Variants in COL10A1 observed in about 807,000 individuals in gnomAD.
COL10A1 encodes the protein collagen alpha-1(X) chain.
COL10A1 carries 10 observed loss-of-function variants against 18.2 expected under a neutral mutation model. That is an observed-to-expected ratio of 0.55 (90% CI 0.34 to 0.93). The LOEUF (loss-of-function observed/expected upper bound fraction) is 0.93. COL10A1 is among the 40% of genes least tolerant of loss of function. The probability of loss-of-function intolerance (pLI) is 0.02; values close to 1 mark genes in which losing one functional copy is unlikely to be tolerated. For missense variants in COL10A1, 897 were observed against 853.5 expected (o/e 1.05, Z -0.64); for synonymous variants, 330 against 316.6 (o/e 1.04, Z -0.45).
chr6:116,121,254 C>G lies in COL10A1; in HGVS notation c.862G>C (p.Gly288Arg), dbSNP rs765611064. 1 of 1,613,960 alleles carries G rather than the reference C, an allele frequency of 6.2e-7. No individual in the cohort carries two copies. The highest frequency in any genetic ancestry group is 2.2e-5 in the East Asian group (1 of 44,852). ...PGTKGLPGAP[G>R]IAGPPGPPGF... ...GGAGGCCCTGGGGGCCCAGCTATTC[C>G]TGGAGCCCCAGGGAGACCTTTTGTT... The change falls in exon 3 of 3, where the codon GGA becomes CGA. Residue 288 changes from glycine (G) to arginine (R), a missense_variant. Coordinates refer to ENST00000651968, the MANE Select transcript of COL10A1 (RefSeq NM_000493.4).
intron 1 of COL10A1, among the ~76,000 whole-genome samples, chr6:116,136,484 G>A (rs1418385640): frequency 6.6e-6 from 1 of 151,822 alleles, no homozygotes; most frequent in East Asian, 1.9e-4. Context: ...TTTAAAAGAA[G>A]AAAATGAAGC....
the COL10A1 span, among the ~76,000 whole-genome samples, chr6:116,205,246 T>C: frequency 0.43 from 64,534 of 151,712 alleles, 17,681 homozygotes; most frequent in African/African-American, 0.78. Context: ...CAAAATAAGC[T>C]GGGCTGGACA....
chr6:116,151,261 T>C (rs1469212738), intron 1 of COL10A1, among the ~76,000 whole-genome samples: 1 of 152,212 alleles, frequency 6.6e-6, no homozygotes, highest in Non-Finnish European at 1.5e-5. Flanking sequence ...GATCAGAATA[T>C]GTGGGCCTGT....
At chr6:116,136,160 G>A (rs1779596102) in intron 1 of COL10A1, among the ~76,000 whole-genome samples, 1 of 151,848 alleles carries the variant, frequency 6.6e-6, no homozygotes, top group South Asian at 2.1e-4. Flanking sequence ...ACTTTTTTAG[G>A]TTACACGTAT....
chr6:116,184,390 G>T, the COL10A1 span, among the ~76,000 whole-genome samples: 2 of 151,964 alleles, frequency 1.3e-5, no homozygotes, highest in African/African-American at 2.4e-5. Context: ...CCTGGTTTTG[G>T]TATTAGGGTG....
At chr6:116,215,946 G>A in the COL10A1 span, among the ~76,000 whole-genome samples, 1 of 152,208 alleles carries the variant, frequency 6.6e-6, no homozygotes, top group African/African-American at 2.4e-5. Context: ...AGTCTGTTTG[G>A]CTTGTCTATA....
At chr6:116,197,516 C>T in the COL10A1 span, among the ~76,000 whole-genome samples, 4 of 151,990 alleles carry the variant, frequency 2.6e-5, no homozygotes, top group African/African-American at 9.7e-5. Context: ...TAAGAACAAA[C>T]AGCCAGGTAC....
At chr6:116,138,027 A>ACCG (rs1779657248) in intron 1 of COL10A1, among the ~76,000 whole-genome samples, 1 of 151,796 alleles carries the variant, frequency 6.6e-6, no homozygotes, top group African/African-American at 2.4e-5. Flanking sequence ...GCAGTGAGCC[A>ACCG]AGATCACACC....
Position 116,120,205 on chromosome 6 carries a change from T to A in COL10A1, c.1911A>T (p.Ser637=). ...CTGTGAGATCGATGATGGCACTCCC[T>A]GAAGCCTGATCCAGGTAGCCTTTGG... The part of the protein sequence containing the change: ...EYTKGYLDQA[S]GSAIIDLTEN... Residue 637 remains serine (S), a synonymous_variant, in exon 3 of 3, where the codon TCA becomes TCT. Transcript: ENST00000651968. 6.2e-7 allele frequency: 1 copy of A among 1,614,206 alleles called. No homozygotes were observed. Among genetic ancestry groups the A allele is most frequent in the South Asian group, 1.1e-5 (1 of 91,080 alleles).
the COL10A1 span, among the ~76,000 whole-genome samples, chr6:116,164,050 A>G: frequency 6.6e-6 from 1 of 152,306 alleles, no homozygotes; most frequent in South Asian, 2.1e-4. Context: ...CCATGCACAG[A>G]TGAGAAAAAT....
chr6:116,206,133 A>T, the COL10A1 span, among the ~76,000 whole-genome samples: 18 of 152,010 alleles, frequency 1.2e-4, no homozygotes, highest in Non-Finnish European at 2.2e-4. Context: ...TTTGAAGGTA[A>T]GTAGCATTTT....
the COL10A1 span, among the ~76,000 whole-genome samples, chr6:116,177,954 AT>A: frequency 9.9e-5 from 15 of 152,152 alleles, no homozygotes; most frequent in Admixed American, 1.3e-4. Flanking sequence ...GTTTCATAGT[AT>A]AAAAATACCA....
At position 116,143,567 on chromosome 6, in the gene COL10A1, C is replaced by T. The variant is rs992114003; in HGVS notation, c.-16+15047G>A. On this transcript the variant is annotated intron_variant, in intron 1 of 1. Transcript: ENST00000418500. ...GTTGAATTTGTTCTACTACTTAAAA[C>T]TTTTTTTAATCCTATGAAAATTTCC... 2.6e-5 allele frequency among the ~76,000 whole-genome samples: 4 copies of T among 152,182 alleles called. No homozygotes were observed. The South Asian group carries it at 6.2e-4, about 24-fold the overall frequency.
intron 1 of COL10A1, among the ~76,000 whole-genome samples, chr6:116,136,277 T>C (rs1179740330): frequency 6.6e-6 from 1 of 152,190 alleles, no homozygotes; most frequent in Non-Finnish European, 1.5e-5. Context: ...TTTCTTCTTT[T>C]TTAAGGCTGA....
chr6:116,142,981 A>G (rs1339277819), intron 1 of COL10A1, among the ~76,000 whole-genome samples: 1 of 152,212 alleles, frequency 6.6e-6, no homozygotes, highest in African/African-American at 2.4e-5. Context: ...AATTTGATGG[A>G]TAAAATTATA....
At chr6:116,156,778 A>G (rs1349542593) in intron 1 of COL10A1, among the ~76,000 whole-genome samples, 5 of 152,194 alleles carry the variant, frequency 3.3e-5, no homozygotes, top group South Asian at 2.1e-4. Flanking sequence ...CAAGATATCT[A>G]TGGATATGAA....
chr6:116,168,630 T>G, the COL10A1 span, among the ~76,000 whole-genome samples: 1 of 152,098 alleles, frequency 6.6e-6, no homozygotes, highest in Admixed American at 6.5e-5. Flanking sequence ...TTTTTTTGAT[T>G]GTTTGTTTTG....
At position 116,120,530 on chromosome 6, in the gene COL10A1, C is replaced by T. The variant is rs2114280363; in HGVS notation, c.1586G>A (p.Gly529Asp). The T allele has an allele frequency of 1.2e-6, 2 of 1,614,002 alleles. No individual in the cohort carries two copies. The highest frequency in any genetic ancestry group is 1.3e-5 in the African/African-American group (1 of 75,022). ...AVMPEGFIKA[G>D]QRPSLSGTPL... ...GGTCCCAGAAAGACTGGGCCTTTGG[C>T]CTGCCTTTATAAAACCCTCAGGCAT... is the stretch of plus-strand genomic sequence containing the variant. Residue 529 changes from glycine (G) to aspartate (D), a missense_variant, in exon 3 of 3, where the codon GGC becomes GAC. Gly to Asp is a moderately conservative substitution (Grantham distance 94). Transcript: ENST00000651968.
At chr6:116,216,976 T>C in the COL10A1 span, among the ~76,000 whole-genome samples, 31 of 152,166 alleles carry the variant, frequency 2.0e-4, no homozygotes, top group Non-Finnish European at 3.7e-4. Flanking sequence ...CAGACCTTAT[T>C]TGGAGGCTGA....
Sources: allele counts gnomAD v4.1 joint callset (sites outside exome capture counted in the v4.1 genomes callset), GRCh38; gene constraint gnomAD v4.1.1; transcripts MANE v1.5; gene names NCBI Gene and HGNC (gene_info 2026-07-23, HGNC 2026-07-21).